The following NPFFR1 variants were observed in gnomAD, a reference collection of about 807,000 sequenced individuals.
NPFFR1 encodes the protein G-protein coupled receptor 147.
In NPFFR1, 17 loss-of-function variants were observed where a neutral mutation model predicts 12.7. The ratio of observed to expected loss-of-function variants is 1.34; its 90% CI spans 0.92 to 2.01. The LOEUF (loss-of-function observed/expected upper bound fraction) is 2.01, where lower values mean the gene tolerates loss of function less well. Among genes scored for constraint, NPFFR1 ranks in the 30% most tolerant of loss-of-function variants. The pLI is 0.00. For missense variants in NPFFR1, 604 were observed against 606.5 expected (o/e 1.00, Z 0.04); for synonymous variants, 296 against 264.5 (o/e 1.12, Z -1.16).
At position 70,254,761 on chromosome 10, in the gene NPFFR1, T is replaced by C. The variant is rs549905283; in HGVS notation, c.*196A>G. 2 of 556,276 alleles carry C rather than the reference T, an allele frequency of 3.6e-6. No individual in the cohort carries two copies. Among genetic ancestry groups the C allele is most frequent in the Admixed American group, 4.1e-5 (1 of 24,188 alleles). The allele number at this position is 556,276 out of a possible 1,614,324, so 34.5% of individuals were successfully genotyped here. A position where few individuals can be genotyped will look rare whatever the true frequency, so the allele number is the denominator to read the frequency against. On this transcript the variant is annotated 3_prime_UTR_variant, in exon 4 of 4. Coordinates refer to ENST00000277942, the MANE Select transcript of NPFFR1 (RefSeq NM_022146.5). Reference sequence around the variant, plus strand: ...CCACCACACAGGGCAAGTTGGTTCCTTCCCGTCCCCCGCATTTGCCTCTAC... The same window carrying C: ...CCACCACACAGGGCAAGTTGGTTCCCTCCCGTCCCCCGCATTTGCCTCTAC...
intron 1 of NPFFR1, among the ~76,000 whole-genome samples, chr10:70,279,893 A>G (rs1185036599): frequency 6.6e-6 from 1 of 152,104 alleles, no homozygotes; most frequent in African/African-American, 2.4e-5. Context: ...CCATCACTCC[A>G]TTCTCCCCCA....
chr10:70,258,954 G>A (rs529950325), intron 3 of NPFFR1, among the ~76,000 whole-genome samples: 2 of 152,298 alleles, frequency 1.3e-5, no homozygotes, highest in Admixed American at 1.3e-4. Flanking sequence ...CTCAGGCCTT[G>A]TTATCTCAAC....
chr10:70,283,587 C>T, intron 1 of NPFFR1, 83 bp downstream of exon 1: 1 of 1,332,270 alleles, frequency 7.5e-7, no homozygotes, highest in Non-Finnish European at 1.0e-6. Flanking sequence ...GATCAGCTGC[C>T]CGGCCCTCTC....
intron 2 of NPFFR1, among the ~76,000 whole-genome samples, chr10:70,264,632 T>TA (rs1172963029): frequency 1.3e-5 from 2 of 152,128 alleles, no homozygotes; most frequent in African/African-American, 4.8e-5. Flanking sequence ...TGGTGGGAAG[T>TA]AAAAGTACGG....
In NPFFR1 at chr10:70,271,023, G is replaced by A. The variant is rs554634293; in HGVS notation, c.8-4632C>T. ...TGGCCTTGGGAACCAGAAACCCTTG[G>A]GACTGGGGCCTAGCTATCTCTGTTT... On this transcript the variant is annotated intron_variant, in intron 1 of 3. Transcript: ENST00000277942. Among the ~76,000 whole-genome samples, 4 of 152,252 alleles carry A rather than the reference G, an allele frequency of 2.6e-5. No individual in the cohort carries two copies. In the East Asian group the frequency reaches 7.7e-4, roughly 29 times the overall value.
At chr10:70,277,940 C>T (rs371858713) in intron 1 of NPFFR1, 68 of 519,608 alleles carry the variant, frequency 1.3e-4, no homozygotes, top group African/African-American at 1.2e-3. Context: ...TTGGGGAAGA[C>T]TTCTGGGCCC....
rs1015181917 is a variant in NPFFR1, at chr10:70,252,205, G to T, written c.*2752C>A. 6.6e-6 allele frequency: 1 copy of T among 152,272 alleles called. No homozygotes were observed. Among genetic ancestry groups the T allele is most frequent in the Non-Finnish European group, 1.5e-5 (1 of 68,084 alleles). The allele number at this position is 152,272 out of a possible 1,614,324, so 9.4% of individuals were successfully genotyped here. On this transcript the variant is annotated 3_prime_UTR_variant, in exon 4 of 4. Transcript: ENST00000277942. ...TGGGATATTATTCAGCTTTTAAAAT[G>T]AAAGAAATTCTGACACATGCCACAA...
At position 70,249,228 on chromosome 10, in the gene NPFFR1, A is replaced by T. The variant is rs540320888; in HGVS notation, c.*5729T>A. Reference sequence around the variant, plus strand: ...AGCCTGGCCAACATGGTAAAATCCCATCTCTATTAAAAATACAAAAATTAG... The same window carrying T: ...AGCCTGGCCAACATGGTAAAATCCCTTCTCTATTAAAAATACAAAAATTAG... On this transcript the variant is annotated 3_prime_UTR_variant, in exon 4 of 4. Coordinates refer to ENST00000277942, the MANE Select transcript of NPFFR1 (RefSeq NM_022146.5). 1 of 152,046 alleles carries T rather than the reference A, an allele frequency of 6.6e-6. No individual in the cohort carries two copies. Among genetic ancestry groups the T allele is most frequent in the Admixed American group, 6.5e-5 (1 of 15,268 alleles). 9.4% of individuals were successfully genotyped at this position (152,046 alleles called of 1,614,324 possible).
At chr10:70,274,994 T>C (rs932597048) in intron 1 of NPFFR1, among the ~76,000 whole-genome samples, 1 of 152,166 alleles carries the variant, frequency 6.6e-6, no homozygotes, top group African/African-American at 2.4e-5. Flanking sequence ...CTGTTCCTCT[T>C]GCAGGCTGAA....
rs1340026541 is a variant in NPFFR1 at position 70,253,946 on chromosome 10, T to TA, written c.*1010_*1011insT. 1.3e-5 allele frequency: 2 copies of TA among 152,174 alleles called. No individual in the cohort carries two copies. Among genetic ancestry groups the TA allele is most frequent in the African/African-American group, 4.8e-5 (2 of 41,422 alleles). 9.4% of individuals were successfully genotyped at this position (152,174 alleles called of 1,614,324 possible). The stretch of plus-strand genomic sequence containing the variant: ...TGGGGAAGAGTTTAGTGTGTGTCCT[T>TA]CAGGAGTCTCCAAATGGCACTCCGG... On this transcript the variant is annotated 3_prime_UTR_variant, in exon 4 of 4. Coordinates refer to ENST00000277942, the MANE Select transcript of NPFFR1 (RefSeq NM_022146.5).
At chr10:70,275,639 C>T (rs1230471622) in intron 1 of NPFFR1, among the ~76,000 whole-genome samples, 1 of 151,906 alleles carries the variant, frequency 6.6e-6, no homozygotes, top group African/African-American at 2.4e-5. Flanking sequence ...GAAAGCATGC[C>T]TTGTTCAGCT....
At chr10:70,281,155 G>T (rs1234372760) in intron 1 of NPFFR1, among the ~76,000 whole-genome samples, 2 of 152,164 alleles carry the variant, frequency 1.3e-5, no homozygotes, top group Non-Finnish European at 2.9e-5. Flanking sequence ...GGGGTGAATG[G>T]TTCCTCAAAT....
intron 2 of NPFFR1, among the ~76,000 whole-genome samples, chr10:70,264,661 T>G (rs1589912102): frequency 6.6e-6 from 1 of 152,186 alleles, no homozygotes; most frequent in African/African-American, 2.4e-5. Context: ...GTTTGGAACC[T>G]TAGCATGTCC....
chr10:70,279,819 C>A (rs1453909175), intron 1 of NPFFR1, among the ~76,000 whole-genome samples: 1 of 152,124 alleles, frequency 6.6e-6, no homozygotes, highest in Non-Finnish European at 1.5e-5. Context: ...CCATGCTGTG[C>A]AATAGAATTC....
intron 1 of NPFFR1, 44 bp downstream of exon 1, chr10:70,283,625 CG>C (rs1286831905): frequency 4.9e-5 from 75 of 1,520,646 alleles, no homozygotes; most frequent in Non-Finnish European, 6.4e-5. Flanking sequence ...GCCCCGGAGT[CG>C]GTACCCTGCC....
chr10:70,272,244 G>GAAAGAAAGAAAGAAAGAAAGAAAGAGA (rs60571634), intron 1 of NPFFR1, among the ~76,000 whole-genome samples: 21 of 64,472 alleles, frequency 3.3e-4, no homozygotes, highest in African/African-American at 1.3e-3. Flanking sequence ...AAGAAAGAAA[G>GAAAGAAAGAAAGAAAGAAAGAAAGAGA]AAGAAAGAAG....
chr10:70,267,741 G>C (rs1889395), intron 1 of NPFFR1, among the ~76,000 whole-genome samples: 151,639 of 152,384 alleles, frequency 1, 75,452 homozygotes, highest in East Asian at 1. Context: ...CTGTCACACC[G>C]AGAACTCAGC....
rs147822545 is a variant in NPFFR1, at chr10:70,247,977, G to A, written c.*6980C>T. 33 of 152,348 alleles carry A rather than the reference G, an allele frequency of 2.2e-4. No homozygotes were observed. The highest frequency in any genetic ancestry group is 7.2e-4 in the African/African-American group (30 of 41,574). 9.4% of individuals were successfully genotyped at this position (152,348 alleles called of 1,614,324 possible). A position where few individuals can be genotyped will look rare whatever the true frequency, so the allele number is the denominator to read the frequency against. On this transcript the variant is annotated 3_prime_UTR_variant, in exon 4 of 4. Coordinates refer to ENST00000277942, the MANE Select transcript of NPFFR1 (RefSeq NM_022146.5). ...CTATCCCAAATCTTTGGAAGCCATT[G>A]AAAGTGATGCAAATGTGTCTCATGG...
At chr10:70,275,141 T>C (rs1840789244) in intron 1 of NPFFR1, among the ~76,000 whole-genome samples, 1 of 152,238 alleles carries the variant, frequency 6.6e-6, no homozygotes, top group African/African-American at 2.4e-5. Context: ...GAGGGCTGAG[T>C]TGCTAATACA....
Sources: gnomAD v4.1 joint callset for allele counts (sites outside exome capture counted in the v4.1 genomes callset) on GRCh38, gnomAD v4.1.1 for gene constraint, MANE v1.5 for transcripts, NCBI Gene and HGNC (gene_info 2026-07-23, HGNC 2026-07-21) for gene names.